The following KCNN2 variants were observed in gnomAD, a reference collection of about 807,000 sequenced individuals.
The protein encoded by KCNN2 is small conductance calcium-activated potassium channel protein 2.
A neutral mutation model predicts 55.5 loss-of-function variants in KCNN2; 24 were observed. That is an observed-to-expected ratio of 0.43 (90% CI 0.31 to 0.61). KCNN2 has a LOEUF of 0.61. Among genes scored for constraint, KCNN2 ranks in the 20% least tolerant of loss-of-function variants. The pLI is 0.08. For missense variants in KCNN2, 754 were observed against 853.6 expected, an observed-to-expected ratio of 0.88 and a Z score of 1.45; for synonymous variants, 431 against 336.1, an observed-to-expected ratio of 1.28 and a Z score of -3.09.
At position 114,362,878 on chromosome 5, in the gene KCNN2, C is replaced by A. The variant is rs767705652; in HGVS notation, c.739C>A (p.Gln247Lys). ...HEMDSEAQPL[Q>K]PPASVGGGGG... Reference sequence around the variant, plus strand: ...GATGGACTCAGAGGCGCAGCCCCTGCAGCCCCCCGCGTCTGTCGGAGGAGG... The same window carrying A: ...GATGGACTCAGAGGCGCAGCCCCTGAAGCCCCCCGCGTCTGTCGGAGGAGG... Residue 247 changes from glutamine (Q) to lysine (K), a missense_variant, in exon 1 of 8, where the codon CAG becomes AAG. By Grantham distance (53) the Gln-to-Lys change is moderately conservative (BLOSUM62 1). This residue lies in a region of KCNN2 where 381 missense variants were observed against 259.1 expected (regional missense o/e 1.47). Coordinates refer to ENST00000673685, the MANE Select transcript of KCNN2 (RefSeq NM_021614.4). 1 of 1,598,678 alleles carries A rather than the reference C, an allele frequency of 6.3e-7. No homozygotes were observed. Among genetic ancestry groups the A allele is most frequent in the Admixed American group, 1.7e-5 (1 of 59,794 alleles).
chr5:114,444,446 C>T (rs1760327769), intron 3 of KCNN2, among the ~76,000 whole-genome samples: 1 of 151,950 alleles, frequency 6.6e-6, no homozygotes, highest in African/African-American at 2.4e-5. Context: ...GCAATATATG[C>T]CCCATGAATT....
intron 2 of KCNN2, among the ~76,000 whole-genome samples, chr5:114,376,614 T>A (rs1250688066): frequency 3.3e-5 from 5 of 152,230 alleles, no homozygotes; most frequent in African/African-American, 1.2e-4. Context: ...TAAATTTTCA[T>A]TAATTTGCTC....
intron 1 of KCNN2, among the ~76,000 whole-genome samples, chr5:114,156,115 C>T (rs1375868959): frequency 6.6e-6 from 1 of 152,110 alleles, no homozygotes; most frequent in African/African-American, 2.4e-5. Flanking sequence ...AGCCAGTTAT[C>T]CTAGCACCAT....
intron 1 of KCNN2, among the ~76,000 whole-genome samples, chr5:114,127,057 C>T (rs1751949515): frequency 6.6e-6 from 1 of 152,194 alleles, no homozygotes; most frequent in Non-Finnish European, 1.5e-5. Context: ...TGTGGCTTTG[C>T]AGGGTACAGC....
chr5:114,445,328 G>A (rs1349462444), intron 3 of KCNN2, among the ~76,000 whole-genome samples: 1 of 152,034 alleles, frequency 6.6e-6, no homozygotes, highest in Non-Finnish European at 1.5e-5. Flanking sequence ...TAAGAAAAAA[G>A]GGGTTATCAT....
At chr5:114,495,167 C>T (rs1042183080) in intron 7 of KCNN2, among the ~76,000 whole-genome samples, 1 of 152,098 alleles carries the variant, frequency 6.6e-6, no homozygotes, top group African/African-American at 2.4e-5. Context: ...AAACATTTTC[C>T]TGTTTTAACC....
At chr5:114,461,314 T>G (rs1761177764) in intron 3 of KCNN2, among the ~76,000 whole-genome samples, 2 of 152,162 alleles carry the variant, frequency 1.3e-5, no homozygotes, top group Admixed American at 1.3e-4. Context: ...ACCAAGACCT[T>G]CTGGGGAGAG....
intron 5 of KCNN2, among the ~76,000 whole-genome samples, chr5:114,475,461 A>T (rs1409221389): frequency 6.6e-6 from 1 of 152,166 alleles, no homozygotes; most frequent in African/African-American, 2.4e-5. Flanking sequence ...AGGATTTGAC[A>T]TCTTAGAAAG....
chr5:114,240,037 A>G (rs1754586678), intron 2 of KCNN2, among the ~76,000 whole-genome samples: 1 of 152,208 alleles, frequency 6.6e-6, no homozygotes, highest in Non-Finnish European at 1.5e-5. Flanking sequence ...AGAAACCGCC[A>G]TAAGTTTAAC....
chr5:114,120,083 C>T (rs996942071), intron 1 of KCNN2, among the ~76,000 whole-genome samples: 34 of 152,136 alleles, frequency 2.2e-4, no homozygotes, highest in African/African-American at 7.7e-4. Context: ...CTTTGATCAT[C>T]ATTTATCCAG....
At chr5:114,073,759 C>T (rs1750625230) in intron 1 of KCNN2, among the ~76,000 whole-genome samples, 1 of 152,156 alleles carries the variant, frequency 6.6e-6, no homozygotes, top group African/African-American at 2.4e-5. Flanking sequence ...TGATCCACAG[C>T]AGATGTTCAA....
At chr5:114,486,838 G>A in intron 5 of KCNN2, 1 of 1,194,236 alleles carries the variant, frequency 8.4e-7, no homozygotes, top group Non-Finnish European at 1.2e-6. Flanking sequence ...GAAAGTGGTA[G>A]TATCTCCCTA....
intron 1 of KCNN2, among the ~76,000 whole-genome samples, chr5:114,180,242 G>A (rs1426427325): frequency 3.3e-5 from 5 of 151,906 alleles, no homozygotes; most frequent in Middle Eastern, 3.2e-3. Context: ...ATTTGAGCTC[G>A]TGATCTTCTC....
intron 2 of KCNN2, among the ~76,000 whole-genome samples, chr5:114,284,119 A>G (rs1379562): frequency 0.24 from 36,401 of 152,106 alleles, 4,651 homozygotes; most frequent in Middle Eastern, 0.3. Flanking sequence ...CTTTTTCTAC[A>G]AAGGCAATTA....
chr5:114,294,150 G>A (rs1017054156), intron 2 of KCNN2, among the ~76,000 whole-genome samples: 13 of 152,034 alleles, frequency 8.6e-5, no homozygotes, highest in African/African-American at 2.9e-4. Context: ...ACAGCTCCTG[G>A]ATGCATTAAT....
chr5:114,076,313 C>A (rs2112533364), intron 1 of KCNN2, among the ~76,000 whole-genome samples: 1 of 152,294 alleles, frequency 6.6e-6, no homozygotes, highest in East Asian at 1.9e-4. Context: ...TGGTATCTAC[C>A]AGAGATCCCC....
intron 4 of KCNN2, among the ~76,000 whole-genome samples, chr5:114,465,583 G>C (rs1215082112): frequency 6.6e-6 from 1 of 150,988 alleles, no homozygotes; most frequent in East Asian, 1.9e-4. Context: ...TGGCACTCTA[G>C]CCTGGGCAAC....
intron 1 of KCNN2, among the ~76,000 whole-genome samples, chr5:114,062,271 C>G (rs1363206972): frequency 2.6e-5 from 4 of 152,080 alleles, no homozygotes; most frequent in African/African-American, 7.2e-5. Context: ...TTCTGCTGCC[C>G]ACAGAATATC....
chr5:114,127,650 A>G (rs1465389880), intron 1 of KCNN2, among the ~76,000 whole-genome samples: 7 of 152,160 alleles, frequency 4.6e-5, no homozygotes, highest in Non-Finnish European at 7.4e-5. Context: ...GGTGATTAAC[A>G]TTCAGCTCCT....
Sources: allele counts gnomAD v4.1 joint callset (sites outside exome capture counted in the v4.1 genomes callset), GRCh38; gene constraint gnomAD v4.1.1; regional missense constraint gnomAD v4.1.1; transcripts MANE v1.5; gene names NCBI Gene and HGNC (gene_info 2026-07-23, HGNC 2026-07-21).